Variants in NCAN observed in about 807,000 individuals in gnomAD.
NCAN encodes neurocan.
Under a neutral mutation model 121.8 loss-of-function variants are expected in NCAN, and 47 were observed. That is an observed-to-expected ratio of 0.39 (90% confidence interval 0.31 to 0.49). The LOEUF (loss-of-function observed/expected upper bound fraction) is 0.49, where lower values mean the gene tolerates loss of function less well. Ranked by LOEUF, NCAN falls within the 20% of genes least tolerant of loss-of-function variation. The probability of loss-of-function intolerance (pLI) is 0.92; values close to 1 mark genes in which losing one functional copy is unlikely to be tolerated. For missense variants in NCAN, 1,517 were observed against 1,773.4 expected, an observed-to-expected ratio of 0.86 and a Z score of 2.60; for synonymous variants, 633 against 702.0, an observed-to-expected ratio of 0.90 and a Z score of 1.55.
In NCAN at chr19:19,226,670, G is replaced by T; in HGVS notation, c.1257G>T (p.Leu419Phe). 6.2e-7 allele frequency: 1 copy of T among 1,613,748 alleles called. No homozygotes were observed. The highest frequency in any genetic ancestry group is 1.1e-5 in the South Asian group (1 of 91,082). ...VSSGEEETLI[L>F]EEKQESQQTL... ...GTGGGGAAGAAGAAACCCTGATTTT[G>T]GAGGAGAAGCAGGAGTCTCAACAGA... Residue 419 changes from leucine to phenylalanine, a missense_variant, in exon 7 of 15, where the codon TTG becomes TTT. Transcript: ENST00000252575.
At chr19:19,222,844 C>T (rs2060821687) in intron 3 of NCAN, among the ~76,000 whole-genome samples, 1 of 152,112 alleles carries the variant, frequency 6.6e-6, no homozygotes, top group South Asian at 2.1e-4. Flanking sequence ...CGCGGTGGCT[C>T]ATGCCTGTAA....
At chr19:19,248,978 T>C (rs903756433) in intron 14 of NCAN, 96 bp downstream of exon 14, 1 of 1,343,962 alleles carries the variant, frequency 7.4e-7, no homozygotes, top group South Asian at 1.4e-5. Context: ...TCTGGCTTAA[T>C]GTCTGCCTGA....
chr19:19,230,840 T>C (rs1341348096), intron 8 of NCAN, among the ~76,000 whole-genome samples: 1 of 150,016 alleles, frequency 6.7e-6, no homozygotes, highest in Non-Finnish European at 1.5e-5. Context: ...CACATCAGCT[T>C]CTCCAGTAGC....
intron 3 of NCAN, among the ~76,000 whole-genome samples, chr19:19,220,856 G>T (rs1470964532): frequency 6.6e-6 from 1 of 152,056 alleles, no homozygotes; most frequent in Non-Finnish European, 1.5e-5. Context: ...GGTCACTTCA[G>T]CCAGGAATTC....
chr19:19,237,660 C>T (rs547824231), intron 10 of NCAN, among the ~76,000 whole-genome samples: 2 of 152,008 alleles, frequency 1.3e-5, no homozygotes, highest in Non-Finnish European at 2.9e-5. Flanking sequence ...GGTGTGGCCC[C>T]GACATCAGAG....
intron 2 of NCAN, among the ~76,000 whole-genome samples, chr19:19,217,452 T>A (rs1363090081): frequency 6.6e-6 from 1 of 152,172 alleles, no homozygotes; most frequent in Admixed American, 6.6e-5. Context: ...AACTTCAGTT[T>A]CCTCAACTCC....
Position 19,227,423 on chromosome 19 carries a change from C to A in NCAN, c.1803C>A (p.Asp601Glu). Reference protein sequence around the residue: ...EGPSARPATPDLFWSPLEATV... With the variant: ...EGPSARPATPELFWSPLEATV... ...CCAGTGCCAGGCCAGCCACCCCAGA[C>A]CTGTTTTGGTCCCCCTTGGAGGCCA... The change falls in exon 8 of 15, where the codon GAC becomes GAA. Residue 601 changes from aspartate to glutamate, a missense_variant. Transcript: ENST00000252575. This position sits in a 1 kb window ranked among gnomAD's most constrained non-coding sequence, Gnocchi z 4.2. 6.2e-7 allele frequency: 1 copy of A among 1,613,754 alleles called. No homozygotes were observed. The highest frequency in any genetic ancestry group is 8.5e-7 in the Non-Finnish European group (1 of 1,179,968).
At position 19,250,203 on chromosome 19, in the gene NCAN, C is replaced by G. The variant is rs1367703385; in HGVS notation, c.*292C>G. 1 of 586,172 alleles carries G rather than the reference C, an allele frequency of 1.7e-6. No individual in the cohort carries two copies. The highest frequency in any genetic ancestry group is 2.2e-5 in the Admixed American group (1 of 46,096). The allele number at this position is 586,172 out of a possible 1,614,324, so 36.3% of individuals were successfully genotyped here. ...AAGTAGCAAAGCTCATTGGTCTGGT[C>G]TCTTGTTTGCCAGGCTGATTGAAGC... On this transcript the variant is annotated 3_prime_UTR_variant, in exon 15 of 15. Transcript: ENST00000252575.
At chr19:19,224,760 G>T (rs1236473391) in intron 5 of NCAN, among the ~76,000 whole-genome samples, 1 of 152,022 alleles carries the variant, frequency 6.6e-6, no homozygotes, top group East Asian at 1.9e-4. Flanking sequence ...CTTGCCCATG[G>T]GCCTGAGTTA....
intron 3 of NCAN, among the ~76,000 whole-genome samples, chr19:19,220,479 TG>T (rs1324628937): frequency 1.8e-4 from 19 of 106,438 alleles, no homozygotes; most frequent in African/African-American, 6.4e-4. Context: ...TTTTTTGAGA[TG>T]GGAGTCTCGC....
intron 3 of NCAN, 42 bp from the exon 4 acceptor site, chr19:19,223,979 G>C: frequency 6.7e-7 from 1 of 1,489,802 alleles, no homozygotes; most frequent in Non-Finnish European, 9.0e-7. Flanking sequence ...GAAGATTCCA[G>C]CATAAGTCAA....
chr19:19,238,764 T>A (rs2060891190), intron 11 of NCAN: 1 of 361,390 alleles, frequency 2.8e-6, no homozygotes, highest in African/African-American at 2.1e-5. Flanking sequence ...CAAGTAAATA[T>A]CTAAGTAAAT....
rs1423549496 is a variant in NCAN at position 19,248,891 on chromosome 19, C to G, written c.3820+9C>G. 1 of 1,613,200 alleles carries G rather than the reference C, an allele frequency of 6.2e-7. No individual in the cohort carries two copies. Among genetic ancestry groups the G allele is most frequent in the Non-Finnish European group, 8.5e-7 (1 of 1,179,384 alleles). ...AATTGTCTGCACCAAACGTAAGTAG[C>G]TTCTCCCAGAGATCTCAACATAGGT... On this transcript the variant is annotated intron_variant, in intron 14 of 14. Transcript: ENST00000252575.
At position 19,225,398 on chromosome 19, in the gene NCAN, G is replaced by T. The variant is rs562795357; in HGVS notation, c.1072+128G>T. ...GCTTTGTGATAAGCCACATCCCTGGGTGAGGGCCACGCCCCCGGGTGAAGG... is the reference window on the plus strand; with the variant it reads ...GCTTTGTGATAAGCCACATCCCTGGTTGAGGGCCACGCCCCCGGGTGAAGG... On this transcript the variant is annotated intron_variant, in intron 6 of 14. Coordinates refer to ENST00000252575, the MANE Select transcript of NCAN (RefSeq NM_004386.3). This position sits in a 1 kb window ranked among gnomAD's most constrained non-coding sequence, Gnocchi z 4.0. 2.3e-5 allele frequency: 27 copies of T among 1,193,884 alleles called. No individual in the cohort carries two copies. In the African/African-American group the frequency reaches 3.3e-4, roughly 14 times the overall value. The allele number at this position is 1,193,884 out of a possible 1,614,324, so 74.0% of individuals were successfully genotyped here. A position where few individuals can be genotyped will look rare whatever the true frequency, so the allele number is the denominator to read the frequency against.
intron 8 of NCAN, among the ~76,000 whole-genome samples, chr19:19,229,178 CA>C (rs529603584): frequency 1.5e-3 from 228 of 152,318 alleles, no homozygotes; most frequent in Non-Finnish European, 2.3e-3. Flanking sequence ...ACTGCACTTC[CA>C]GCCTGGGTGA....
chr19:19,245,169 A>T, intron 12 of NCAN, 144 bp from the exon 13 acceptor site: 5 of 987,296 alleles, frequency 5.1e-6, no homozygotes, highest in Non-Finnish European at 7.4e-6. Context: ...CAGGATGGGC[A>T]GGACAGTGGC....
chr19:19,243,901 C>T (rs1257256807), intron 12 of NCAN, among the ~76,000 whole-genome samples: 4 of 150,458 alleles, frequency 2.7e-5, no homozygotes, highest in Non-Finnish European at 5.9e-5. Context: ...TGGCGCATGC[C>T]TGTAATCCCA....
At chr19:19,246,017 T>A (rs910218004) in intron 13 of NCAN, among the ~76,000 whole-genome samples, 12 of 152,108 alleles carry the variant, frequency 7.9e-5, no homozygotes, top group Admixed American at 2.6e-4. Context: ...TTTATTTTTT[T>A]AATTTATTCT....
chr19:19,250,191 C>T lies in NCAN; in HGVS notation c.*280C>T, dbSNP rs1434893827. 2 of 607,986 alleles carry T rather than the reference C, an allele frequency of 3.3e-6. No homozygotes were observed. Among genetic ancestry groups the T allele is most frequent in the Non-Finnish European group, 6.2e-6 (2 of 324,296 alleles). The allele number at this position is 607,986 out of a possible 1,614,324, so 37.7% of individuals were successfully genotyped here. Reference sequence around the variant, plus strand: ...TGAGGGAAGCACAAGTAGCAAAGCTCATTGGTCTGGTCTCTTGTTTGCCAG... The same window carrying T: ...TGAGGGAAGCACAAGTAGCAAAGCTTATTGGTCTGGTCTCTTGTTTGCCAG... On this transcript the variant is annotated 3_prime_UTR_variant, in exon 15 of 15. Transcript: ENST00000252575.
Sources: allele counts gnomAD v4.1 joint callset (sites outside exome capture counted in the v4.1 genomes callset), GRCh38; gene constraint gnomAD v4.1.1; non-coding constraint Gnocchi (gnomAD v3.1); transcripts MANE v1.5; gene names NCBI Gene and HGNC (gene_info 2026-07-23, HGNC 2026-07-21).